The following HS3ST3A1 variants were observed in gnomAD, a reference collection of about 807,000 sequenced individuals.
HS3ST3A1 encodes the protein heparan sulfate glucosamine 3-O-sulfotransferase 3A1.
HS3ST3A1 carries 19 observed loss-of-function variants against 25.7 expected under a neutral mutation model. That is an observed-to-expected ratio of 0.74 (90% confidence interval 0.52 to 1.08). HS3ST3A1 has a LOEUF of 1.08. HS3ST3A1 is among the 50% of genes least tolerant of loss of function. The pLI is 0.00. For missense variants in HS3ST3A1, 459 were observed against 594.3 expected, an observed-to-expected ratio of 0.77 and a Z score of 2.37; for synonymous variants, 226 against 278.6, an observed-to-expected ratio of 0.81 and a Z score of 1.88.
Position 13,496,052 on chromosome 17 carries a change from G to A in HS3ST3A1, c.*145C>T. ...TGGTGTTGGTTATACATTAAGATGG[G>A]GCGGGAGTGAGAACAATCTCTTAAC... On this transcript the variant is annotated 3_prime_UTR_variant, in exon 2 of 2. Coordinates refer to ENST00000284110, the MANE Select transcript of HS3ST3A1 (RefSeq NM_006042.3). 3.0e-6 allele frequency: 3 copies of A among 1,003,080 alleles called. No homozygotes were observed. The highest frequency in any genetic ancestry group is 2.8e-6 in the Non-Finnish European group (2 of 712,350). The allele number at this position is 1,003,080 out of a possible 1,614,324, so 62.1% of individuals were successfully genotyped here.
At chr17:13,552,144 A>C (rs1907262570) in intron 1 of HS3ST3A1, among the ~76,000 whole-genome samples, 1 of 152,062 alleles carries the variant, frequency 6.6e-6, no homozygotes, top group Non-Finnish European at 1.5e-5. Context: ...CAGTGGCACG[A>C]TCTTGGCTCA....
rs187263999 is a variant in HS3ST3A1, at chr17:13,548,261, C to T, written c.600-51443G>A. ...AGGCAGATTCAGCATCTAGTGAGGGCTCTCTCCCTGCTTTGTAAATGGCCA... is the reference window on the plus strand; with the variant it reads ...AGGCAGATTCAGCATCTAGTGAGGGTTCTCTCCCTGCTTTGTAAATGGCCA... On this transcript the variant is annotated intron_variant, in intron 1 of 1. Coordinates refer to ENST00000284110, the MANE Select transcript of HS3ST3A1 (RefSeq NM_006042.3). Among the ~76,000 whole-genome samples, 491 of 152,218 alleles carry T rather than the reference C, an allele frequency of 3.2e-3. 4 individuals are homozygous for T. Among genetic ancestry groups the T allele is most frequent in the African/African-American group, 0.011 (463 of 41,528 alleles).
chr17:13,548,074 G>A (rs1907137727), intron 1 of HS3ST3A1, among the ~76,000 whole-genome samples: 1 of 152,056 alleles, frequency 6.6e-6, no homozygotes, highest in Non-Finnish European at 1.5e-5. Flanking sequence ...ATGGTTTCCA[G>A]TAGCCATTTT....
intron 1 of HS3ST3A1, among the ~76,000 whole-genome samples, chr17:13,540,816 G>T (rs1299619246): frequency 6.6e-6 from 1 of 152,176 alleles, no homozygotes; most frequent in East Asian, 1.9e-4. Flanking sequence ...AAGAGCAAAA[G>T]GGAAAGGCAG....
intron 1 of HS3ST3A1, among the ~76,000 whole-genome samples, chr17:13,585,851 T>C (rs1480657261): frequency 8.0e-5 from 11 of 138,080 alleles, no homozygotes; most frequent in African/African-American, 3.0e-4. Context: ...TTTTTTTTTT[T>C]TTTTTTTTTT....
intron 1 of HS3ST3A1, among the ~76,000 whole-genome samples, chr17:13,523,775 G>T (rs1906324318): frequency 1.3e-5 from 2 of 152,046 alleles, no homozygotes; most frequent in Non-Finnish European, 2.9e-5. Flanking sequence ...ATTTATTTCA[G>T]ATATATCTAA....
intron 1 of HS3ST3A1, among the ~76,000 whole-genome samples, chr17:13,562,728 G>A (rs997946547): frequency 2.0e-5 from 3 of 151,978 alleles, no homozygotes; most frequent in Non-Finnish European, 4.4e-5. Context: ...GTTTCCACTG[G>A]GCCAAACTCC....
intron 1 of HS3ST3A1, among the ~76,000 whole-genome samples, chr17:13,546,391 G>C (rs1032695468): frequency 3.9e-5 from 6 of 151,932 alleles, no homozygotes; most frequent in Non-Finnish European, 8.8e-5. Context: ...TCAGCCTCTC[G>C]AGAAGCTGAA....
intron 1 of HS3ST3A1, among the ~76,000 whole-genome samples, chr17:13,547,032 A>G (rs1302581447): frequency 6.6e-6 from 1 of 152,220 alleles, no homozygotes; most frequent in Non-Finnish European, 1.5e-5. Context: ...AACCCGTCAC[A>G]GAATATACAT....
At chr17:13,592,902 A>G (rs749364214) in intron 1 of HS3ST3A1, among the ~76,000 whole-genome samples, 21 of 152,116 alleles carry the variant, frequency 1.4e-4, no homozygotes, top group Non-Finnish European at 2.8e-4. Flanking sequence ...CTGGCTGAGC[A>G]GTTCCAGTGG....
intron 1 of HS3ST3A1, among the ~76,000 whole-genome samples, chr17:13,525,116 T>A (rs62059581): frequency 0.15 from 23,457 of 152,158 alleles, 2,051 homozygotes; most frequent in East Asian, 0.27. Context: ...GTCTGGTAAG[T>A]CAGCTTTGAC....
chr17:13,517,663 A>T (rs1055218402), intron 1 of HS3ST3A1, among the ~76,000 whole-genome samples: 26 of 152,194 alleles, frequency 1.7e-4, no homozygotes, highest in African/African-American at 5.1e-4. Context: ...TATTATTATT[A>T]TTTTTTGAGA....
chr17:13,601,199 T>TC lies in HS3ST3A1; in HGVS notation c.-71dup. 1 of 1,219,102 alleles carries TC rather than the reference T, an allele frequency of 8.2e-7. No homozygotes were observed. Among genetic ancestry groups the TC allele is most frequent in the Non-Finnish European group, 1.1e-6 (1 of 919,202 alleles). The allele number at this position is 1,219,102 out of a possible 1,614,324, so 75.5% of individuals were successfully genotyped here. A position where few individuals can be genotyped will look rare whatever the true frequency, so the allele number is the denominator to read the frequency against. ...CTGGACCCCGACAGGTGCCAGAGCA[T>TC]CCCCCCGGCGGGCCAGCGCGCTGGA... On this transcript the variant is annotated 5_prime_UTR_variant, in exon 1 of 2. The change abolishes the stop of an existing upstream ORF in the 5' untranslated region. Coordinates refer to ENST00000284110, the MANE Select transcript of HS3ST3A1 (RefSeq NM_006042.3).
At chr17:13,565,489 G>T (rs2142368873) in intron 1 of HS3ST3A1, among the ~76,000 whole-genome samples, 1 of 152,236 alleles carries the variant, frequency 6.6e-6, no homozygotes, top group South Asian at 2.1e-4. Context: ...CTGTGATCGT[G>T]CCACTGCACT....
At chr17:13,516,222 A>G (rs1353173680) in intron 1 of HS3ST3A1, among the ~76,000 whole-genome samples, 2 of 152,164 alleles carry the variant, frequency 1.3e-5, no homozygotes, top group Non-Finnish European at 2.9e-5. Context: ...AGGCAGGAGA[A>G]TCGCTTGAAC....
chr17:13,551,624 AAG>A (rs1491108139), intron 1 of HS3ST3A1, among the ~76,000 whole-genome samples: 4 of 131,106 alleles, frequency 3.1e-5, no homozygotes, highest in Admixed American at 7.5e-5. Context: ...AGAAAAAAAA[AAG>A]GGGGGGGGGT....
At chr17:13,544,936 C>A (rs1157358499) in intron 1 of HS3ST3A1, among the ~76,000 whole-genome samples, 1 of 152,208 alleles carries the variant, frequency 6.6e-6, no homozygotes, top group African/African-American at 2.4e-5. Flanking sequence ...GTAGCTAAGG[C>A]AAGTTGGGCA....
chr17:13,567,863 T>C (rs1907712607), intron 1 of HS3ST3A1, among the ~76,000 whole-genome samples: 1 of 152,220 alleles, frequency 6.6e-6, no homozygotes, highest in African/African-American at 2.4e-5. Context: ...GCTGTGAGCA[T>C]TGTTGAAATG....
At chr17:13,555,486 C>G (rs1907347613) in intron 1 of HS3ST3A1, among the ~76,000 whole-genome samples, 1 of 152,110 alleles carries the variant, frequency 6.6e-6, no homozygotes, top group Non-Finnish European at 1.5e-5. Context: ...GGCTGAGACT[C>G]ACCTGTCTTC....
Sources: allele counts gnomAD v4.1 joint callset (sites outside exome capture counted in the v4.1 genomes callset), GRCh38; gene constraint gnomAD v4.1.1; transcripts MANE v1.5; gene names NCBI Gene and HGNC (gene_info 2026-07-23, HGNC 2026-07-21).